Variants in VSTM2L observed in about 807,000 individuals in gnomAD.
VSTM2L encodes the protein V-set and transmembrane domain-containing protein 2-like protein.
Under a neutral mutation model 19.9 loss-of-function variants are expected in VSTM2L, and 9 were observed. The observed-to-expected ratio is 0.45, with a 90% CI of 0.27 to 0.79. VSTM2L has a LOEUF of 0.79. Among genes scored for constraint, VSTM2L ranks in the 30% least tolerant of loss-of-function variants. The pLI is 0.15. For synonymous variants in VSTM2L, 127 were observed against 133.8 expected (o/e 0.95, Z 0.35); for missense variants, 286 against 295.5 (o/e 0.97, Z 0.24).
chr20:37,942,922 C>T (rs2072981216), intron 3 of VSTM2L, among the ~76,000 whole-genome samples: 1 of 152,206 alleles, frequency 6.6e-6, no homozygotes, highest in African/African-American at 2.4e-5. Context: ...TTGTCGTCAG[C>T]CTTTATATTG....
At chr20:37,936,198 T>C (rs2072939103) in intron 3 of VSTM2L, among the ~76,000 whole-genome samples, 1 of 151,962 alleles carries the variant, frequency 6.6e-6, no homozygotes, top group African/African-American at 2.4e-5. Context: ...GCCTGGTTGG[T>C]GTGGATCCCA....
rs1194311158 is a variant in VSTM2L, at chr20:37,919,553, C to T, written c.122-12082C>T. Among the ~76,000 whole-genome samples, 19 of 152,188 alleles carry T rather than the reference C, an allele frequency of 1.2e-4. 1 individual carries two copies. The highest frequency in any genetic ancestry group is 1.2e-3 in the Admixed American group (19 of 15,278). On this transcript the variant is annotated intron_variant, in intron 1 of 3. Coordinates refer to ENST00000373461, the MANE Select transcript of VSTM2L (RefSeq NM_080607.3). The stretch of plus-strand genomic sequence containing the variant: ...AGATTTACAGGCGGTTGGGCTGGGA[C>T]CTCATTAAATCCTCCCTCTCCAGCC...
At chr20:37,941,874 C>T (rs2072974155) in intron 3 of VSTM2L, among the ~76,000 whole-genome samples, 1 of 151,244 alleles carries the variant, frequency 6.6e-6, no homozygotes, top group South Asian at 2.1e-4. Context: ...CCACCACCAC[C>T]CCTCTCCATA....
In VSTM2L at chr20:37,939,486, T is replaced by A. The variant is rs187825878; in HGVS notation, c.343-4495T>A. Reference sequence around the variant, plus strand: ...GATTGATGAAACTTATCACATCATCTCACAGTGATCAGGCACTTCATAAAC... The same window carrying A: ...GATTGATGAAACTTATCACATCATCACACAGTGATCAGGCACTTCATAAAC... On this transcript the variant is annotated intron_variant, in intron 3 of 3. Transcript: ENST00000373461. Among the ~76,000 whole-genome samples the A allele has an allele frequency of 2.6e-5, 4 of 152,290 alleles. No individual in the cohort carries two copies. In the East Asian group the frequency reaches 7.7e-4, roughly 29 times the overall value.
intron 1 of VSTM2L, among the ~76,000 whole-genome samples, chr20:37,917,109 C>A (rs1348384240): frequency 1.3e-5 from 2 of 152,118 alleles, no homozygotes; most frequent in African/African-American, 4.8e-5. Context: ...GTCAGGAGTT[C>A]AAGACCAGCC....
At chr20:37,920,098 G>A (rs1014291692) in intron 1 of VSTM2L, among the ~76,000 whole-genome samples, 1 of 152,124 alleles carries the variant, frequency 6.6e-6, no homozygotes, top group African/African-American at 2.4e-5. Flanking sequence ...GGCTGCAGAG[G>A]CTGTCGATGC....
At position 37,944,812 on chromosome 20, in the gene VSTM2L, G is replaced by A. The variant is rs2072998981; in HGVS notation, c.*559G>A. ...GCAGGGTCACTCATGGAGGCCTAGG[G>A]GAACAGCGAGATGCCCCACCACCTC... On this transcript the variant is annotated 3_prime_UTR_variant, in exon 4 of 4. Coordinates refer to ENST00000373461, the MANE Select transcript of VSTM2L (RefSeq NM_080607.3). 1 of 986,098 alleles carries A rather than the reference G, an allele frequency of 1.0e-6. No individual in the cohort carries two copies. Among genetic ancestry groups the A allele is most frequent in the African/African-American group, 1.7e-5 (1 of 57,334 alleles). The allele number at this position is 986,098 out of a possible 1,614,324, so 61.1% of individuals were successfully genotyped here. A position where few individuals can be genotyped will look rare whatever the true frequency, so the allele number is the denominator to read the frequency against.
At chr20:37,912,620 C>G (rs1217853088) in intron 1 of VSTM2L, among the ~76,000 whole-genome samples, 2 of 152,208 alleles carry the variant, frequency 1.3e-5, no homozygotes, top group Non-Finnish European at 2.9e-5. Context: ...GCCTGTTTGC[C>G]TCAATACCAG....
In VSTM2L at chr20:37,944,787, G is replaced by T. The variant is rs1187868538; in HGVS notation, c.*534G>T. On this transcript the variant is annotated 3_prime_UTR_variant, in exon 4 of 4. Transcript: ENST00000373461. ...AGGGCCCTTCTGGGGCAGTGGCTCT[G>T]CAGGGTCACTCATGGAGGCCTAGGG... 1.0e-6 allele frequency: 1 copy of T among 986,394 alleles called. No individual in the cohort carries two copies. Among genetic ancestry groups the T allele is most frequent in the Non-Finnish European group, 1.2e-6 (1 of 830,444 alleles). 61.1% of individuals were successfully genotyped at this position (986,394 alleles called of 1,614,324 possible). A position where few individuals can be genotyped will look rare whatever the true frequency, so the allele number is the denominator to read the frequency against.
Position 37,944,415 on chromosome 20 carries a change from T to C in VSTM2L, c.*162T>C, listed in dbSNP as rs2072995820. ...TCTTTCCACCACCCCTTGCTCAGCA[T>C]GTAAGCCCCACCCACCCCTGCCCTT... is the stretch of plus-strand genomic sequence containing the variant. On this transcript the variant is annotated 3_prime_UTR_variant, in exon 4 of 4. Transcript: ENST00000373461. The C allele has an allele frequency of 8.0e-7, 1 of 1,242,288 alleles. No individual in the cohort carries two copies. Among genetic ancestry groups the C allele is most frequent in the Non-Finnish European group, 1.0e-6 (1 of 959,760 alleles). 77.0% of individuals were successfully genotyped at this position (1,242,288 alleles called of 1,614,324 possible).
chr20:37,935,219 C>T lies in VSTM2L; in HGVS notation c.342+1630C>T, dbSNP rs190592971. Among the ~76,000 whole-genome samples, 382 of 152,280 alleles carry T rather than the reference C, an allele frequency of 2.5e-3. 4 individuals are homozygous for T. Among genetic ancestry groups the T allele is most frequent in the East Asian group, 0.019 (100 of 5,176 alleles). ...TGTGCTCAGCATGAATGTGCAATTA[C>T]CCCCAGCCCCCCACCCCCAGCCCCT... is the stretch of plus-strand genomic sequence containing the variant. On this transcript the variant is annotated intron_variant, in intron 3 of 3. Coordinates refer to ENST00000373461, the MANE Select transcript of VSTM2L (RefSeq NM_080607.3).
rs1568845249 is a variant in VSTM2L, at chr20:37,943,913, C to CG, written c.343-68_343-67insG. The CG allele has an allele frequency of 1.0e-5, 7 of 677,908 alleles. 1 individual carries two copies. The East Asian group carries it at 2.0e-4, about 20-fold the overall frequency. 42.0% of individuals were successfully genotyped at this position (677,908 alleles called of 1,614,324 possible). On this transcript the variant is annotated intron_variant, in intron 3 of 3. Coordinates refer to ENST00000373461, the MANE Select transcript of VSTM2L (RefSeq NM_080607.3). ...TCCTAGCATGCGATCTTGGGACCCC[C>CG]CCCCCCGACTCTTCTTCTCCCCCAC...
At position 37,945,041 on chromosome 20, in the gene VSTM2L, GC is replaced by G. The variant is rs2073000740; in HGVS notation, c.*792del. On this transcript the variant is annotated 3_prime_UTR_variant, in exon 4 of 4. Transcript: ENST00000373461. ...AGTCCCCCTCTGCCGGCCCCCCAAT[GC>G]CCCAGCTCCCTCTTGGGTCCTGTGC... The G allele has an allele frequency of 3.0e-6, 3 of 985,850 alleles. No individual in the cohort carries two copies. Among genetic ancestry groups the G allele is most frequent in the Admixed American group, 6.1e-5 (1 of 16,290 alleles). 61.1% of individuals were successfully genotyped at this position (985,850 alleles called of 1,614,324 possible). A position where few individuals can be genotyped will look rare whatever the true frequency, so the allele number is the denominator to read the frequency against.
intron 1 of VSTM2L, among the ~76,000 whole-genome samples, chr20:37,905,278 G>C (rs1302228258): frequency 6.6e-6 from 1 of 152,114 alleles, no homozygotes; most frequent in East Asian, 1.9e-4. Context: ...AGTCCCGAGG[G>C]GTATGAGGAA....
intron 3 of VSTM2L, 120 bp downstream of exon 3, chr20:37,933,709 G>C: frequency 1.0e-6 from 1 of 989,366 alleles, no homozygotes; most frequent in Non-Finnish European, 1.5e-6. Flanking sequence ...AGAAGAAAAA[G>C]AGAAGGGAAA....
At chr20:37,907,908 C>G (rs887941638) in intron 1 of VSTM2L, among the ~76,000 whole-genome samples, 1 of 152,208 alleles carries the variant, frequency 6.6e-6, no homozygotes, top group African/African-American at 2.4e-5. Flanking sequence ...GCATTCCTTA[C>G]TGAACTGTTG....
chr20:37,941,428 T>C (rs920355255), intron 3 of VSTM2L, among the ~76,000 whole-genome samples: 6 of 151,484 alleles, frequency 4.0e-5, no homozygotes, highest in African/African-American at 1.5e-4. Context: ...GAGTTTCCCA[T>C]TGGGGTGTTG....
At chr20:37,914,318 A>G (rs1237231050) in intron 1 of VSTM2L, among the ~76,000 whole-genome samples, 1 of 12,940 alleles carries the variant, frequency 7.7e-5, no homozygotes, top group African/African-American at 2.7e-4. Context: ...ATCTGTGTGT[A>G]TGTGTGTGGG....
rs1032352401 is a variant in VSTM2L at position 37,945,243 on chromosome 20, G to A, written c.*990G>A. The A allele has an allele frequency of 2.2e-5, 22 of 985,420 alleles. No homozygotes were observed. Among genetic ancestry groups the A allele is most frequent in the East Asian group, 1.1e-4 (1 of 8,830 alleles). The allele number at this position is 985,420 out of a possible 1,614,324, so 61.0% of individuals were successfully genotyped here. A position where few individuals can be genotyped will look rare whatever the true frequency, so the allele number is the denominator to read the frequency against. On this transcript the variant is annotated 3_prime_UTR_variant, in exon 4 of 4. Transcript: ENST00000373461. The stretch of plus-strand genomic sequence containing the variant: ...CTGGCTGCCGCAGCTCAGTGATGAC[G>A]TGGGGGAGGTGGGAGAGGCCGAGGG...
Sources: gnomAD v4.1 joint callset for allele counts (sites outside exome capture counted in the v4.1 genomes callset) on GRCh38, gnomAD v4.1.1 for gene constraint, MANE v1.5 for transcripts, NCBI Gene and HGNC (gene_info 2026-07-23, HGNC 2026-07-21) for gene names.